PPP2R3C: variants seen among roughly 807,000 people sequenced by gnomAD.
PPP2R3C encodes protein phosphatase 2 regulatory subunit B''gamma, also known as serine/threonine-protein phosphatase 2A regulatory subunit B'' subunit gamma.
PPP2R3C carries 47 observed loss-of-function variants against 63.7 expected under a neutral mutation model. That is an observed-to-expected ratio of 0.74 (90% CI 0.58 to 0.94). The LOEUF (loss-of-function observed/expected upper bound fraction) is 0.94, where lower values mean the gene tolerates loss of function less well. Ranked by LOEUF, PPP2R3C falls within the 40% of genes least tolerant of loss-of-function variation. The pLI is 0.00. For missense variants in PPP2R3C, 421 were observed against 518.4 expected (o/e 0.81, Z 1.82); for synonymous variants, 180 against 177.4 (o/e 1.01, Z -0.12).
chr14:35,094,707 T>G (rs2045940088), intron 10 of PPP2R3C, among the ~76,000 whole-genome samples: 1 of 152,104 alleles, frequency 6.6e-6, no homozygotes. Context: ...TCACGCCTCG[T>G]AATCCCAGCA....
Position 35,109,861 on chromosome 14 carries a change from T to G in PPP2R3C, c.362A>C (p.Glu121Ala), listed in dbSNP as rs1290510068. ...MIGEEAMINY[E>A]NFLKVGEKAG... ...CTTTTCACCAACCTTCAAAAAGTTT[T>G]CGTAATTGATCATCGCTTCCTCTCC... The change falls in exon 4 of 13, where the codon GAA becomes GCA. Residue 121 changes from glutamate to alanine, a missense_variant. Transcript: ENST00000261475. 1 of 1,611,230 alleles carries G rather than the reference T, an allele frequency of 6.2e-7. No homozygotes were observed.
chr14:35,093,733 G>A (rs990240050), intron 10 of PPP2R3C, among the ~76,000 whole-genome samples: 9 of 151,262 alleles, frequency 5.9e-5, no homozygotes, highest in African/African-American at 1.9e-4. Flanking sequence ...TGCAAGCTCC[G>A]CCTCCCGGGT....
intron 10 of PPP2R3C, among the ~76,000 whole-genome samples, chr14:35,092,327 C>A (rs1001135584): frequency 6.6e-6 from 1 of 152,136 alleles, no homozygotes; most frequent in Non-Finnish European, 1.5e-5. Context: ...GCCTCGGCCT[C>A]CCAAAGTGCT....
At chr14:35,110,047 G>T in intron 3 of PPP2R3C, 116 bp from the exon 4 acceptor site, 1 of 714,560 alleles carries the variant, frequency 1.4e-6, no homozygotes. Context: ...TCAATATTAA[G>T]ATGAATCTCA....
rs1008502921 is a variant in PPP2R3C at position 35,095,190 on chromosome 14, G to A, written c.839-6C>T. On this transcript the variant is annotated splice_region_variant and splice_polypyrimidine_tract_variant and intron_variant, in intron 9 of 12. Transcript: ENST00000261475. The stretch of plus-strand genomic sequence containing the variant: ...ATCAAGATTCAAGTACTGGCCTTGG[G>A]AAGAAAAATAATAAAGACACTTATG... The A allele has an allele frequency of 1.2e-6, 2 of 1,608,868 alleles. No homozygotes were observed. The highest frequency in any genetic ancestry group is 2.7e-5 in the African/African-American group (2 of 74,650).
At position 35,110,785 on chromosome 14, in the gene PPP2R3C, C is replaced by G. The variant is rs540444861; in HGVS notation, c.187-156G>C. The G allele has an allele frequency of 1.8e-5, 10 of 566,608 alleles. No individual in the cohort carries two copies. In the South Asian group the frequency reaches 2.0e-4, roughly 12 times the overall value. The allele number at this position is 566,608 out of a possible 1,614,324, so 35.1% of individuals were successfully genotyped here. On this transcript the variant is annotated intron_variant, in intron 2 of 12. Coordinates refer to ENST00000261475, the MANE Select transcript of PPP2R3C (RefSeq NM_017917.4). ...AACATTTGTTTAACAAAAACTGATC[C>G]ACAGAGAATCGGTGATCAGAAAGGC...
chr14:35,116,515 A>G, intron 2 of PPP2R3C, 95 bp downstream of exon 2: 1 of 1,000,596 alleles, frequency 1.0e-6, no homozygotes, highest in South Asian at 2.2e-5. Context: ...TCAGCCTCCC[A>G]AAGTGTTGGG....
intron 4 of PPP2R3C, among the ~76,000 whole-genome samples, 155 bp from the exon 5 acceptor site, chr14:35,108,391 CTTTTT>C (rs10656897): frequency 6.9e-6 from 1 of 145,960 alleles, no homozygotes; most frequent in Non-Finnish European, 1.5e-5. Flanking sequence ...TTAAGTCAAA[CTTTTT>C]TTTTTTTTTA....
At chr14:35,118,331 CAGG>C (rs1257208037) in intron 1 of PPP2R3C, among the ~76,000 whole-genome samples, 1 of 152,124 alleles carries the variant, frequency 6.6e-6, no homozygotes, top group Non-Finnish European at 1.5e-5. Context: ...ACTGATGATA[CAGG>C]AGAAGGGACA....
intron 11 of PPP2R3C, 108 bp from the exon 12 acceptor site, chr14:35,088,118 A>G (rs1469282187): frequency 1.3e-6 from 1 of 786,540 alleles, no homozygotes; most frequent in African/African-American, 1.7e-5. Flanking sequence ...CAGGCCACAA[A>G]CCTCATCATT....
chr14:35,094,158 C>T (rs2045922459), intron 10 of PPP2R3C, among the ~76,000 whole-genome samples: 1 of 151,886 alleles, frequency 6.6e-6, no homozygotes, highest in South Asian at 2.1e-4. Context: ...TGAAAATAGC[C>T]AGAATAATTT....
intron 1 of PPP2R3C, among the ~76,000 whole-genome samples, chr14:35,119,064 G>C (rs771166267): frequency 2.1e-5 from 3 of 146,058 alleles, no homozygotes; most frequent in African/African-American, 7.6e-5. Context: ...TTGAGATGTA[G>C]TCTCGTTCTA....
At chr14:35,099,662 T>C (rs2046120611) in intron 6 of PPP2R3C, 1 of 278,242 alleles carries the variant, frequency 3.6e-6, no homozygotes, top group African/African-American at 2.3e-5. Flanking sequence ...GTTAAGTAAC[T>C]TGTATTATCA....
At chr14:35,116,446 G>C (rs1566427904) in intron 2 of PPP2R3C, among the ~76,000 whole-genome samples, 164 bp downstream of exon 2, 1 of 152,032 alleles carries the variant, frequency 6.6e-6, no homozygotes, top group African/African-American at 2.4e-5. Flanking sequence ...TTAGAGATGG[G>C]ATCTTGCTAT....
intron 2 of PPP2R3C, among the ~76,000 whole-genome samples, chr14:35,111,776 G>A (rs1178092852): frequency 2.0e-5 from 3 of 152,068 alleles, no homozygotes; most frequent in Non-Finnish European, 4.4e-5. Context: ...GACTCAGCAC[G>A]CAAGGACCAG....
At chr14:35,091,775 C>T (rs916921365) in intron 10 of PPP2R3C, among the ~76,000 whole-genome samples, 3 of 152,062 alleles carry the variant, frequency 2.0e-5, no homozygotes, top group Non-Finnish European at 2.9e-5. Context: ...GGCTGGAGTG[C>T]AGTGGTGCAA....
Position 35,087,634 on chromosome 14 carries a change from G to A in PPP2R3C, c.1173+317C>T, listed in dbSNP as rs201915740. 1.4e-4 allele frequency: 37 copies of A among 271,288 alleles called. No individual in the cohort carries two copies. The East Asian group carries it at 3.3e-3, about 24-fold the overall frequency. 16.8% of individuals were successfully genotyped at this position (271,288 alleles called of 1,614,324 possible). On this transcript the variant is annotated intron_variant, in intron 12 of 12. Transcript: ENST00000261475. ...AGGCTGGTCTTGAACTCCTGACCTC[G>A]GATGATCCGCCCGCCTCAGCCTCCC...
At chr14:35,103,342 G>A (rs1395664597) in intron 6 of PPP2R3C, among the ~76,000 whole-genome samples, 2 of 152,098 alleles carry the variant, frequency 1.3e-5, no homozygotes, top group South Asian at 2.1e-4. Context: ...TGTATTTGCC[G>A]TTTCCTCTAT....
intron 11 of PPP2R3C, among the ~76,000 whole-genome samples, chr14:35,088,911 A>G (rs1347380814): frequency 6.6e-6 from 1 of 152,106 alleles, no homozygotes; most frequent in Non-Finnish European, 1.5e-5. Flanking sequence ...AAAACAATTT[A>G]ATATTCTAAG....
Sources: allele counts gnomAD v4.1 joint callset (sites outside exome capture counted in the v4.1 genomes callset), GRCh38; gene constraint gnomAD v4.1.1; transcripts MANE v1.5; gene names NCBI Gene and HGNC (gene_info 2026-07-23, HGNC 2026-07-21).